CAMKK2: variants seen among roughly 807,000 people sequenced by gnomAD.
CAMKK2 encodes calcium/calmodulin-dependent protein kinase kinase 2.
Under a neutral mutation model 67.2 loss-of-function variants are expected in CAMKK2, and 30 were observed. That is an observed-to-expected ratio of 0.45 (90% CI 0.33 to 0.61). CAMKK2 has a LOEUF of 0.61. CAMKK2 is among the 20% of genes least tolerant of loss of function. The probability of loss-of-function intolerance (pLI) is 0.02; values close to 1 mark genes in which losing one functional copy is unlikely to be tolerated. For synonymous variants in CAMKK2, 322 were observed against 326.2 expected, an observed-to-expected ratio of 0.99 and a Z score of 0.14; for missense variants, 643 against 802.0, an observed-to-expected ratio of 0.80 and a Z score of 2.39.
intron 9 of CAMKK2, among the ~76,000 whole-genome samples, chr12:121,255,222 A>ATATATATAATTATATATATATAAT (rs1555250767): frequency 5.7e-5 from 1 of 17,512 alleles, no homozygotes; most frequent in Non-Finnish European, 8.9e-5. Flanking sequence ...ATATAATTTT[A>ATATATATAATTATATATATATAAT]TATATATATA....
chr12:121,259,174 G>T (rs1892949431), intron 7 of CAMKK2, among the ~76,000 whole-genome samples: 1 of 152,084 alleles, frequency 6.6e-6, no homozygotes, highest in African/African-American at 2.4e-5. Context: ...AATACCTTCT[G>T]CCACCTGGTC....
intron 5 of CAMKK2, among the ~76,000 whole-genome samples, chr12:121,266,650 G>A (rs1894605216): frequency 6.6e-6 from 1 of 151,946 alleles, no homozygotes; most frequent in African/African-American, 2.4e-5. Flanking sequence ...CACCCACCAT[G>A]CCTGGCTACT....
intron 1 of CAMKK2, among the ~76,000 whole-genome samples, chr12:121,287,586 T>C (rs1042459850): frequency 6.6e-6 from 1 of 152,206 alleles, no homozygotes; most frequent in African/African-American, 2.4e-5. Flanking sequence ...CAGGGCCAAC[T>C]GTCTTAAGAA....
At chr12:121,242,759 T>TC (rs1888619574) in intron 16 of CAMKK2, among the ~76,000 whole-genome samples, 1 of 152,240 alleles carries the variant, frequency 6.6e-6, no homozygotes, top group Non-Finnish European at 1.5e-5. Flanking sequence ...TCTTTTTTTT[T>TC]TGAGACGGAG....
At chr12:121,252,881 G>A (rs570294007) in intron 10 of CAMKK2, among the ~76,000 whole-genome samples, 167 bp from the exon 11 acceptor site, 1 of 152,264 alleles carries the variant, frequency 6.6e-6, no homozygotes, top group East Asian at 1.9e-4. Flanking sequence ...CCAGGCCAAT[G>A]AGAGCACCAC....
Position 121,240,746 on chromosome 12 carries a change from C to CGG in CAMKK2, c.1718_1719dup (p.Ala574ProfsTer68). On this transcript the variant is annotated frameshift_variant, in exon 17 of 17. Coordinates refer to ENST00000404169, the MANE Select transcript of CAMKK2 (RefSeq NM_001270485.2). LOFTEE classifies it high-confidence loss of function. The surrounding 1 kb of genome is among the most constrained non-coding windows in gnomAD (Gnocchi z 4.4). Reference sequence around the variant, plus strand: ...TCCGGCCGCAGTGGATGCATGCGTGCGGGGGAGCCGGGGGCGGGGGCCCAG... The same window carrying CGG: ...TCCGGCCGCAGTGGATGCATGCGTGCGGGGGGGAGCCGGGGGCGGGGGCCCAG... 1.2e-6 allele frequency: 2 copies of CGG among 1,608,276 alleles called. No individual in the cohort carries two copies. Among genetic ancestry groups the CGG allele is most frequent in the Non-Finnish European group, 1.7e-6 (2 of 1,178,868 alleles).
At position 121,245,254 on chromosome 12, in the gene CAMKK2, AAAG is replaced by A; in HGVS notation, c.1453-17_1453-15del. 2 of 1,561,126 alleles carry A rather than the reference AAAG, an allele frequency of 1.3e-6. No individual in the cohort carries two copies. Among genetic ancestry groups the A allele is most frequent in the South Asian group, 2.3e-5 (2 of 87,200 alleles). On this transcript the variant is annotated splice_polypyrimidine_tract_variant and intron_variant, in intron 14 of 16. Transcript: ENST00000404169. This position sits in a 1 kb window ranked among gnomAD's most constrained non-coding sequence, Gnocchi z 5.8. ...CTTCACCAGGATCTGAAGAGGGAGA[AAAG>A]AGGAGGTGGCAGGCAACTGCTTGGC...
chr12:121,284,809 G>A lies in CAMKK2; in HGVS notation c.-59-10224C>T, dbSNP rs1473013396. Among the ~76,000 whole-genome samples, 81 of 152,170 alleles carry A rather than the reference G, an allele frequency of 5.3e-4. 1 individual carries two copies. The highest frequency in any genetic ancestry group is 5.2e-3 in the Admixed American group (80 of 15,268). On this transcript the variant is annotated intron_variant, in intron 1 of 16. Transcript: ENST00000404169. ...GAGAGAGATGAGAGCGAAAGCACAGGGTCTCAAAGTGCTTGGAGGAGAAAT... is the reference window on the plus strand; with the variant it reads ...GAGAGAGATGAGAGCGAAAGCACAGAGTCTCAAAGTGCTTGGAGGAGAAAT...
intron 6 of CAMKK2, among the ~76,000 whole-genome samples, chr12:121,261,681 G>A (rs1008195930): frequency 2.6e-5 from 4 of 152,224 alleles, no homozygotes; most frequent in Non-Finnish European, 5.9e-5. Context: ...GTGGTAGCTA[G>A]CCCTCACATC....
At chr12:121,281,207 C>T (rs1308442231) in intron 1 of CAMKK2, among the ~76,000 whole-genome samples, 5 of 152,252 alleles carry the variant, frequency 3.3e-5, no homozygotes, top group South Asian at 2.1e-4. Context: ...CCCCGCTAGA[C>T]GCGGGCCTCC....
At chr12:121,280,612 T>C (rs1206097602) in intron 1 of CAMKK2, among the ~76,000 whole-genome samples, 1 of 152,162 alleles carries the variant, frequency 6.6e-6, no homozygotes, top group Non-Finnish European at 1.5e-5. Flanking sequence ...TTTCTCAGCA[T>C]GGAACGTCCC....
At chr12:121,269,663 C>G in intron 3 of CAMKK2, 82 bp from the exon 4 acceptor site, 9 of 1,080,066 alleles carry the variant, frequency 8.3e-6, no homozygotes, top group Non-Finnish European at 1.3e-5. Context: ...ACGTTGCAAA[C>G]CGGCAGCCCA....
At chr12:121,272,731 G>T (rs1896013184) in intron 2 of CAMKK2, among the ~76,000 whole-genome samples, 2 of 151,456 alleles carry the variant, frequency 1.3e-5, no homozygotes, top group Admixed American at 6.6e-5. Flanking sequence ...AAAATTAACT[G>T]GGCATGGTGG....
intron 7 of CAMKK2, among the ~76,000 whole-genome samples, chr12:121,256,049 G>A (rs573025622): frequency 6.6e-6 from 1 of 152,320 alleles, no homozygotes; most frequent in East Asian, 1.9e-4. Flanking sequence ...GACTTCTAGT[G>A]CTCAAATTGG....
intron 14 of CAMKK2, among the ~76,000 whole-genome samples, chr12:121,246,907 G>A (rs1002857475): frequency 2.8e-5 from 4 of 145,028 alleles, no homozygotes; most frequent in African/African-American, 5.1e-5. Flanking sequence ...TGGCTGCTCC[G>A]TGTTTGCTAA....
intron 1 of CAMKK2, among the ~76,000 whole-genome samples, chr12:121,283,144 T>A (rs1465781070): frequency 2.0e-5 from 3 of 151,942 alleles, no homozygotes; most frequent in Admixed American, 6.6e-5. Context: ...ACCAGTGGGG[T>A]TCGGAGAAGC....
chr12:121,287,483 A>C (rs1281942294), intron 1 of CAMKK2, among the ~76,000 whole-genome samples: 1 of 151,968 alleles, frequency 6.6e-6, no homozygotes, highest in East Asian at 1.9e-4. Flanking sequence ...CAGTTGGGCC[A>C]GGAGGAGATC....
intron 14 of CAMKK2, among the ~76,000 whole-genome samples, chr12:121,247,632 C>T (rs1273110156): frequency 5.9e-5 from 9 of 152,132 alleles, no homozygotes; most frequent in South Asian, 2.1e-4. Flanking sequence ...CTGCACAGCC[C>T]CAGGTGGGGA....
intron 13 of CAMKK2, among the ~76,000 whole-genome samples, 162 bp from the exon 14 acceptor site, chr12:121,248,896 G>A (rs1000047916): frequency 3.3e-5 from 5 of 152,246 alleles, no homozygotes; most frequent in South Asian, 2.1e-4. Flanking sequence ...GCAAAGGGGC[G>A]GAAACATGAA....
Sources: allele counts gnomAD v4.1 joint callset (sites outside exome capture counted in the v4.1 genomes callset), GRCh38; gene constraint gnomAD v4.1.1; non-coding constraint Gnocchi (gnomAD v3.1); transcripts MANE v1.5; gene names NCBI Gene and HGNC (gene_info 2026-07-23, HGNC 2026-07-21).